TLK1: variants seen among roughly 807,000 people sequenced by gnomAD.
TLK1 encodes tousled like kinase 1, also known as serine/threonine-protein kinase tousled-like 1.
In TLK1, 24 loss-of-function variants were observed where a neutral mutation model predicts 105.3. The ratio of observed to expected loss-of-function variants is 0.23; its 90% CI spans 0.17 to 0.32. TLK1 has a LOEUF of 0.32. Ranked by LOEUF, TLK1 falls within the 10% of genes least tolerant of loss-of-function variation. The probability of loss-of-function intolerance (pLI) is 1.00; values close to 1 mark genes in which losing one functional copy is unlikely to be tolerated. For synonymous variants in TLK1, 321 were observed against 310.4 expected, an observed-to-expected ratio of 1.03 and a Z score of -0.36; for missense variants, 558 against 910.5, an observed-to-expected ratio of 0.61 and a Z score of 4.98.
chr2:171,145,521 C>T (rs1262113240), intron 1 of TLK1, among the ~76,000 whole-genome samples: 5 of 150,576 alleles, frequency 3.3e-5, no homozygotes, highest in African/African-American at 7.3e-5. Flanking sequence ...ACCCGGGAAG[C>T]GGAGGCTGCA....
intron 1 of TLK1, among the ~76,000 whole-genome samples, chr2:171,195,801 C>T (rs1191909007): frequency 6.6e-6 from 1 of 151,990 alleles, no homozygotes; most frequent in Non-Finnish European, 1.5e-5. Context: ...GTAATCCCAA[C>T]ACTTTGGGAG....
At chr2:171,169,943 C>T (rs1377912914) in intron 1 of TLK1, among the ~76,000 whole-genome samples, 1 of 152,046 alleles carries the variant, frequency 6.6e-6, no homozygotes, top group Non-Finnish European at 1.5e-5. Flanking sequence ...GAGGAATGGC[C>T]ATCTTTGAAA....
intron 1 of TLK1, among the ~76,000 whole-genome samples, chr2:171,143,637 A>T (rs1404415240): frequency 2.0e-5 from 3 of 151,304 alleles, no homozygotes; most frequent in Non-Finnish European, 2.9e-5. Context: ...GCTATGAAGT[A>T]GACTCTGATA....
At chr2:171,229,149 C>G (rs1429299472) in intron 1 of TLK1, among the ~76,000 whole-genome samples, 1 of 152,162 alleles carries the variant, frequency 6.6e-6, no homozygotes, top group East Asian at 1.9e-4. Flanking sequence ...CAGGACCTGC[C>G]CAGTGAGGCC....
At chr2:171,132,584 GT>G (rs1213028672) in intron 1 of TLK1, among the ~76,000 whole-genome samples, 1 of 152,176 alleles carries the variant, frequency 6.6e-6, no homozygotes, top group Non-Finnish European at 1.5e-5. Flanking sequence ...ACAAATAGCT[GT>G]TTTCTAAGAT....
At chr2:171,033,394 A>G (rs1056555676) in intron 11 of TLK1, among the ~76,000 whole-genome samples, 2 of 151,920 alleles carry the variant, frequency 1.3e-5, no homozygotes, top group African/African-American at 4.8e-5. Context: ...GGAGATAGAG[A>G]GTAGGATGAT....
intron 1 of TLK1, among the ~76,000 whole-genome samples, chr2:171,153,113 A>G (rs1056269855): frequency 6.6e-6 from 1 of 152,214 alleles, no homozygotes; most frequent in Non-Finnish European, 1.5e-5. Flanking sequence ...AGGAAAAACT[A>G]CTAAAATACT....
intron 11 of TLK1, among the ~76,000 whole-genome samples, chr2:171,033,432 G>C (rs1398527524): frequency 6.6e-6 from 1 of 151,750 alleles, no homozygotes; most frequent in East Asian, 1.9e-4. Flanking sequence ...AAGGACAGTG[G>C]GGAAGGGGGC....
chr2:171,223,719 A>C (rs1693849466), intron 1 of TLK1, among the ~76,000 whole-genome samples: 1 of 151,660 alleles, frequency 6.6e-6, no homozygotes, highest in Admixed American at 6.6e-5. Context: ...ACCTCAGGTG[A>C]TCTGCTTGCC....
At chr2:171,218,299 A>AAC (rs1558995247) in intron 1 of TLK1, among the ~76,000 whole-genome samples, 15 of 152,218 alleles carry the variant, frequency 9.9e-5, no homozygotes, top group Non-Finnish European at 1.9e-4. Context: ...ACAACAACAA[A>AAC]AAAAAAACAG....
chr2:171,208,988 A>G (rs2105324332), intron 1 of TLK1, among the ~76,000 whole-genome samples: 1 of 152,350 alleles, frequency 6.6e-6, no homozygotes. Context: ...AACCTTGTAT[A>G]GAAGACACTG....
At chr2:171,067,531 T>C (rs1248816073) in intron 3 of TLK1, among the ~76,000 whole-genome samples, 4 of 152,188 alleles carry the variant, frequency 2.6e-5, no homozygotes, top group South Asian at 2.1e-4. Flanking sequence ...ATGTTTACAT[T>C]AACACTGTAT....
At chr2:171,149,099 C>CTTTTTTTTTTTTTTTTTTT (rs11335300) in intron 1 of TLK1, among the ~76,000 whole-genome samples, 4 of 57,888 alleles carry the variant, frequency 6.9e-5, no homozygotes, top group East Asian at 5.8e-4. Flanking sequence ...AATTACTTTT[C>CTTTTTTTTTTTTTTTTTTT]TTTTTTTTTT....
chr2:171,195,335 C>G (rs1285269341), intron 1 of TLK1, among the ~76,000 whole-genome samples: 1 of 151,914 alleles, frequency 6.6e-6, no homozygotes, highest in African/African-American at 2.4e-5. Context: ...AACCCCGTCT[C>G]TACTAAAACT....
chr2:171,012,607 T>A (rs1480289911), intron 13 of TLK1, among the ~76,000 whole-genome samples: 1 of 152,102 alleles, frequency 6.6e-6, no homozygotes, highest in East Asian at 1.9e-4. Flanking sequence ...GTCTCCCAAT[T>A]AGCTAAGACT....
chr2:171,019,129 AT>A (rs966055257), intron 12 of TLK1, among the ~76,000 whole-genome samples: 1 of 151,908 alleles, frequency 6.6e-6, no homozygotes, highest in African/African-American at 2.4e-5. Context: ...AAAAAAAAAA[AT>A]GTGTATGGAT....
chr2:171,085,666 GGTTACCA>G (rs1204047471), intron 2 of TLK1, among the ~76,000 whole-genome samples: 1 of 151,964 alleles, frequency 6.6e-6, no homozygotes, highest in Non-Finnish European at 1.5e-5. Flanking sequence ...ATAGATAAAC[GGTTACCA>G]AAAATGCAAG....
chr2:171,207,265 A>G (rs1240739776), intron 1 of TLK1, among the ~76,000 whole-genome samples: 3 of 152,240 alleles, frequency 2.0e-5, no homozygotes, highest in Admixed American at 1.3e-4. Flanking sequence ...ACTAAAATAC[A>G]TATTACTAAG....
chr2:171,066,472 AT>A (rs1233275737), intron 3 of TLK1, among the ~76,000 whole-genome samples: 2 of 152,194 alleles, frequency 1.3e-5, no homozygotes, highest in Non-Finnish European at 2.9e-5. Context: ...CACCTCATAC[AT>A]TTTTGTAAAG....
Sources: allele counts gnomAD v4.1 joint callset (sites outside exome capture counted in the v4.1 genomes callset), GRCh38; gene constraint gnomAD v4.1.1; transcripts MANE v1.5; gene names NCBI Gene and HGNC (gene_info 2026-07-23, HGNC 2026-07-21).